Variants in ACTR3 observed in about 807,000 individuals in gnomAD.
The protein encoded by ACTR3 is actin related protein 3, also known as actin-related protein 3.
In ACTR3, 12 loss-of-function variants were observed where a neutral mutation model predicts 56.8. The ratio of observed to expected loss-of-function variants is 0.21; its 90% confidence interval spans 0.14 to 0.34. The LOEUF is 0.34. Among genes scored for constraint, ACTR3 ranks in the 10% least tolerant of loss-of-function variants. ACTR3 has a pLI of 1.00. For synonymous variants in ACTR3, 162 were observed against 167.4 expected, an observed-to-expected ratio of 0.97 and a Z score of 0.25; for missense variants, 282 against 512.5, an observed-to-expected ratio of 0.55 and a Z score of 4.34.
chr2:113,904,162 G>C (rs1436082768), intron 1 of ACTR3: 1 of 152,250 alleles, frequency 6.6e-6, no homozygotes, highest in Non-Finnish European at 1.5e-5. Context: ...ACCTGGCCAC[G>C]TGTATCACCT....
chr2:113,896,810 T>C (rs998095669), intron 1 of ACTR3, among the ~76,000 whole-genome samples: 5 of 152,236 alleles, frequency 3.3e-5, no homozygotes, highest in African/African-American at 9.6e-5. Context: ...GACAATCTTA[T>C]CTCCACCTAT....
chr2:113,914,823 A>G (rs1679374046), intron 2 of ACTR3, among the ~76,000 whole-genome samples: 3 of 152,292 alleles, frequency 2.0e-5, no homozygotes, highest in Admixed American at 2.0e-4. Context: ...ATACTTCTTT[A>G]AAACCCAGAA....
intron 1 of ACTR3, 31 bp downstream of exon 1, chr2:113,890,354 A>G: frequency 7.9e-7 from 1 of 1,271,084 alleles, no homozygotes; most frequent in Non-Finnish European, 1.1e-6. Context: ...GGGTGGGGAA[A>G]CTGAGGCGGA....
At chr2:113,891,729 G>A (rs1001366372) in intron 1 of ACTR3, among the ~76,000 whole-genome samples, 2 of 151,810 alleles carry the variant, frequency 1.3e-5, no homozygotes, top group Non-Finnish European at 2.9e-5. Context: ...TAACTAGCTA[G>A]TGTGGCAGTT....
rs1004666680 is a variant in ACTR3 at position 113,890,097 on chromosome 2, A to C, written c.-183A>C. The C allele has an allele frequency of 3.5e-4, 243 of 687,892 alleles. 1 individual carries two copies. Among genetic ancestry groups the C allele is most frequent in the Non-Finnish European group, 5.8e-4 (233 of 404,322 alleles). 42.6% of individuals were successfully genotyped at this position (687,892 alleles called of 1,614,324 possible). A position where few individuals can be genotyped will look rare whatever the true frequency, so the allele number is the denominator to read the frequency against. On this transcript the variant is annotated 5_prime_UTR_variant, in exon 1 of 12. Transcript: ENST00000263238. The stretch of plus-strand genomic sequence containing the variant: ...ACTGCCTGCCTGCCTGGGTTGCGGA[A>C]GTGATAGCCGCCGACCGAGCCTGCT...
chr2:113,934,258 TC>T lies in ACTR3; in HGVS notation c.433-20del. 2 of 1,520,930 alleles carry T rather than the reference TC, an allele frequency of 1.3e-6. No individual in the cohort carries two copies. Among genetic ancestry groups the T allele is most frequent in the East Asian group, 4.6e-5 (2 of 43,494 alleles). 94.2% of individuals were successfully genotyped at this position (1,520,930 alleles called of 1,614,324 possible). A position where few individuals can be genotyped will look rare whatever the true frequency, so the allele number is the denominator to read the frequency against. On this transcript the variant is annotated intron_variant, in intron 5 of 11. Transcript: ENST00000263238. ...TTTTTTTTTTTTGTTTTTTTGCCTT[TC>T]TTCTTTCTTTGTGCTCAAGGCTGTT...
At position 113,960,669 on chromosome 2, in the gene ACTR3, CT is replaced by C. The variant is rs991597465; in HGVS notation, c.*3218del. Reference sequence around the variant, plus strand: ...AATACTGAAGTCCAGTCTTTTCCCCCTTTTCTTACCAGCTCAACCTTGATTC... The same window carrying C: ...AATACTGAAGTCCAGTCTTTTCCCCCTTTCTTACCAGCTCAACCTTGATTC... On this transcript the variant is annotated 3_prime_UTR_variant, in exon 12 of 12. Coordinates refer to ENST00000263238, the MANE Select transcript of ACTR3 (RefSeq NM_005721.5). The C allele has an allele frequency of 4.6e-5, 7 of 152,056 alleles. No homozygotes were observed. Among genetic ancestry groups the C allele is most frequent in the African/African-American group, 1.2e-4 (5 of 41,534 alleles). The allele number at this position is 152,056 out of a possible 1,614,324, so 9.4% of individuals were successfully genotyped here.
At chr2:113,946,520 T>C (rs1286897756) in intron 8 of ACTR3, among the ~76,000 whole-genome samples, 1 of 152,032 alleles carries the variant, frequency 6.6e-6, no homozygotes, top group Non-Finnish European at 1.5e-5. Context: ...CTTTTGAAAA[T>C]TGTTCATGTC....
chr2:113,917,773 G>A lies in ACTR3; in HGVS notation c.225+765G>A, dbSNP rs186436144. On this transcript the variant is annotated intron_variant, in intron 3 of 11. Coordinates refer to ENST00000263238, the MANE Select transcript of ACTR3 (RefSeq NM_005721.5). ...AAATGGTGTATAAAAAAATTTCCCC[G>A]ACTGCAAGGCTATTATAATGTGGTG... Among the ~76,000 whole-genome samples, 54 of 152,174 alleles carry A rather than the reference G, an allele frequency of 3.5e-4. No individual in the cohort carries two copies. In the East Asian group the frequency reaches 8.9e-3, roughly 25 times the overall value.
intron 7 of ACTR3, among the ~76,000 whole-genome samples, chr2:113,940,548 G>A (rs1273429229): frequency 6.6e-6 from 1 of 152,068 alleles, no homozygotes; most frequent in South Asian, 2.1e-4. Flanking sequence ...AGGGCACATA[G>A]AAGAAAAACA....
chr2:113,921,385 G>C (rs1257788108), intron 3 of ACTR3, among the ~76,000 whole-genome samples: 2 of 150,594 alleles, frequency 1.3e-5, no homozygotes, highest in Non-Finnish European at 3.0e-5. Context: ...TCCTCTGTCA[G>C]ATGTACAGTT....
chr2:113,941,212 C>T (rs1679919019), intron 7 of ACTR3, among the ~76,000 whole-genome samples: 1 of 152,082 alleles, frequency 6.6e-6, no homozygotes, highest in African/African-American at 2.4e-5. Context: ...AAAAGTTACC[C>T]CAAGTTGGTG....
intron 8 of ACTR3, among the ~76,000 whole-genome samples, chr2:113,943,645 CATAAT>C (rs1445576402): frequency 1.3e-5 from 2 of 152,080 alleles, no homozygotes; most frequent in African/African-American, 4.8e-5. Context: ...ATAGAATCAA[CATAAT>C]CAGTAATTGC....
At chr2:113,926,345 A>G (rs1182594745) in intron 3 of ACTR3, among the ~76,000 whole-genome samples, 1 of 152,232 alleles carries the variant, frequency 6.6e-6, no homozygotes, top group African/African-American at 2.4e-5. Context: ...GATGTTGAGT[A>G]ACACTATATT....
rs975243595 is a variant in ACTR3 at position 113,925,147 on chromosome 2, T to C, written c.226-2198T>C. On this transcript the variant is annotated intron_variant, in intron 3 of 11. Transcript: ENST00000263238. ...CCTGACCTCAAATGATCCACCCACC[T>C]CAACCTCCCAAAGTGCTGGGATTAC... is the stretch of plus-strand genomic sequence containing the variant. 2.7e-5 allele frequency among the ~76,000 whole-genome samples: 4 copies of C among 149,530 alleles called. No individual in the cohort carries two copies. The East Asian group carries it at 6.0e-4, about 22-fold the overall frequency.
At position 113,931,439 on chromosome 2, in the gene ACTR3, A is replaced by G. The variant is rs201774265; in HGVS notation, c.432+43A>G. ...TTCTAAGTTTGATTCTTACATTTTAACCTAGTTTAATTTGCTGCCTAAAAT... is the reference window on the plus strand; with the variant it reads ...TTCTAAGTTTGATTCTTACATTTTAGCCTAGTTTAATTTGCTGCCTAAAAT... On this transcript the variant is annotated intron_variant, in intron 5 of 11. Coordinates refer to ENST00000263238, the MANE Select transcript of ACTR3 (RefSeq NM_005721.5). 938 of 1,374,894 alleles carry G rather than the reference A, an allele frequency of 6.8e-4. 9 individuals are homozygous for G. In the African/African-American group the frequency reaches 0.012, roughly 17 times the overall value. The allele number at this position is 1,374,894 out of a possible 1,614,324, so 85.2% of individuals were successfully genotyped here. A position where few individuals can be genotyped will look rare whatever the true frequency, so the allele number is the denominator to read the frequency against.
intron 3 of ACTR3, among the ~76,000 whole-genome samples, chr2:113,925,765 T>A (rs1679608635): frequency 1.3e-5 from 2 of 152,228 alleles, no homozygotes; most frequent in East Asian, 3.8e-4. Context: ...CTTTTATAAG[T>A]ATAATGCCTT....
At chr2:113,892,564 A>G (rs1026597264) in intron 1 of ACTR3, among the ~76,000 whole-genome samples, 1 of 152,158 alleles carries the variant, frequency 6.6e-6, no homozygotes, top group East Asian at 1.9e-4. Flanking sequence ...TTATTTGCAC[A>G]TGGAGGATAA....
rs955243411 is a variant in ACTR3, at chr2:113,960,835, C to A, written c.*3380C>A. ...AATTCTATTAGCTGGTATAAATAAT[C>A]CAAAATCTGTGCAGACTCTGGGAGC... On this transcript the variant is annotated 3_prime_UTR_variant, in exon 12 of 12. Coordinates refer to ENST00000263238, the MANE Select transcript of ACTR3 (RefSeq NM_005721.5). 12 of 151,960 alleles carry A rather than the reference C, an allele frequency of 7.9e-5. No homozygotes were observed. The highest frequency in any genetic ancestry group is 1.2e-4 in the Non-Finnish European group (8 of 67,910). 9.4% of individuals were successfully genotyped at this position (151,960 alleles called of 1,614,324 possible).
Sources: allele counts gnomAD v4.1 joint callset (sites outside exome capture counted in the v4.1 genomes callset), GRCh38; gene constraint gnomAD v4.1.1; transcripts MANE v1.5; gene names NCBI Gene and HGNC (gene_info 2026-07-23, HGNC 2026-07-21).